Variants in ADAMTS12 observed in about 807,000 individuals in gnomAD.
ADAMTS12 encodes A disintegrin and metalloproteinase with thrombospondin motifs 12.
ADAMTS12 carries 118 observed loss-of-function variants against 167.8 expected under a neutral mutation model. The observed-to-expected ratio is 0.70, with a 90% confidence interval of 0.61 to 0.82. The LOEUF is 0.82. Among genes scored for constraint, ADAMTS12 ranks in the 40% least tolerant of loss-of-function variants. ADAMTS12 has a pLI of 0.00. For missense variants in ADAMTS12, 1,916 were observed against 1,998.8 expected (o/e 0.96, Z 0.79); for synonymous variants, 704 against 716.9 (o/e 0.98, Z 0.29).
chr5:33,531,336 G>A (rs1327401330), intron 23 of ADAMTS12, among the ~76,000 whole-genome samples: 1 of 152,140 alleles, frequency 6.6e-6, no homozygotes, highest in African/African-American at 2.4e-5. Context: ...TTGTAGCCCA[G>A]GAAGCTAATA....
At chr5:33,554,047 G>A (rs974889278) in intron 20 of ADAMTS12, among the ~76,000 whole-genome samples, 1 of 152,142 alleles carries the variant, frequency 6.6e-6, no homozygotes, top group African/African-American at 2.4e-5. Context: ...ATGAATAGAA[G>A]AAATAAAGAT....
chr5:33,644,555 T>G (rs1032850482), intron 9 of ADAMTS12, among the ~76,000 whole-genome samples: 7 of 152,228 alleles, frequency 4.6e-5, no homozygotes, highest in Non-Finnish European at 7.3e-5. Flanking sequence ...CTTCTGGTTC[T>G]TTTTTCTCAT....
rs550990143 is a variant in ADAMTS12 at position 33,831,726 on chromosome 5, T to G, written c.489+49393A>C. On this transcript the variant is annotated intron_variant, in intron 2 of 23. Transcript: ENST00000504830. Reference sequence around the variant, plus strand: ...TTAAGCAGACTGCTTAATCACCTTCTTTTTATTCTGGCTGCTTTTTTATGA... The same window carrying G: ...TTAAGCAGACTGCTTAATCACCTTCGTTTTATTCTGGCTGCTTTTTTATGA... 5.3e-5 allele frequency among the ~76,000 whole-genome samples: 8 copies of G among 152,358 alleles called. No homozygotes were observed. The East Asian group carries it at 1.3e-3, about 26-fold the overall frequency.
intron 2 of ADAMTS12, among the ~76,000 whole-genome samples, chr5:33,815,597 T>TA (rs765008312): frequency 1.3e-5 from 2 of 152,098 alleles, no homozygotes; most frequent in Non-Finnish European, 2.9e-5. Context: ...AAGCCTCAGC[T>TA]AAAAAAAGAA....
rs1738874579 is a variant in ADAMTS12, at chr5:33,614,278, C to A, written c.2487G>T (p.Gln829His). ...NDVEQQMYFW[Q>H]YGHWTECSVT... ...CACTGCACTCTGTCCAGTGGCCGTA[C>A]TGCCAGAAGTACATCTGCTGCTCAA... Residue 829 changes from glutamine to histidine, a missense_variant, in exon 16 of 24, where the codon CAG (glutamine) becomes CAT (histidine). Coordinates refer to ENST00000504830, the MANE Select transcript of ADAMTS12 (RefSeq NM_030955.4). 1 of 1,614,082 alleles carries A rather than the reference C, an allele frequency of 6.2e-7. No homozygotes were observed.
intron 2 of ADAMTS12, among the ~76,000 whole-genome samples, chr5:33,831,819 T>C (rs1268422055): frequency 1.3e-5 from 2 of 152,240 alleles, no homozygotes; most frequent in Non-Finnish European, 2.9e-5. Context: ...CTCTCCAAGA[T>C]GAAAGCTCCA....
intron 2 of ADAMTS12, among the ~76,000 whole-genome samples, chr5:33,867,620 AC>A (rs1342795834): frequency 1.8e-5 from 1 of 57,094 alleles, no homozygotes; most frequent in Non-Finnish European, 3.2e-5. Flanking sequence ...AAATAAAAAT[AC>A]ACACACACAC....
intron 2 of ADAMTS12, among the ~76,000 whole-genome samples, chr5:33,837,581 G>A (rs1247183735): frequency 2.6e-5 from 4 of 152,140 alleles, no homozygotes; most frequent in African/African-American, 4.8e-5. Context: ...GTTTCCAGCC[G>A]AATGGGATTT....
chr5:33,705,298 T>C (rs975283542), intron 3 of ADAMTS12, among the ~76,000 whole-genome samples: 3 of 150,914 alleles, frequency 2.0e-5, no homozygotes, highest in Non-Finnish European at 4.4e-5. Context: ...TGTGTGTGTG[T>C]GTGTGCGTGT....
intron 3 of ADAMTS12, among the ~76,000 whole-genome samples, chr5:33,688,530 T>A (rs577108740): frequency 6.6e-6 from 1 of 152,184 alleles, no homozygotes; most frequent in South Asian, 2.1e-4. Context: ...TTCACAAAGC[T>A]CTATTTAGGG....
At chr5:33,797,523 T>C (rs1415933815) in intron 2 of ADAMTS12, among the ~76,000 whole-genome samples, 1 of 151,926 alleles carries the variant, frequency 6.6e-6, no homozygotes, top group Non-Finnish European at 1.5e-5. Flanking sequence ...GACCCTGAGT[T>C]GACCATGGCT....
intron 5 of ADAMTS12, among the ~76,000 whole-genome samples, chr5:33,670,432 G>T (rs1741637398): frequency 6.6e-6 from 1 of 152,106 alleles, no homozygotes; most frequent in Admixed American, 6.6e-5. Context: ...AAAACAGTTT[G>T]GTAGTTTCTT....
At chr5:33,610,984 C>T (rs143956161) in intron 16 of ADAMTS12, among the ~76,000 whole-genome samples, 1 of 151,958 alleles carries the variant, frequency 6.6e-6, no homozygotes, top group African/African-American at 2.4e-5. Context: ...AGAGATCGCT[C>T]GAACCCAGAG....
In ADAMTS12 at chr5:33,785,403, T is replaced by A. The variant is rs959554128; in HGVS notation, c.490-33855A>T. ...ATATAATGCAGACAGGGAAAAATAT[T>A]TGCAAACCATGTATCTGACAAAAGA... On this transcript the variant is annotated intron_variant, in intron 2 of 23. Transcript: ENST00000504830. Among the ~76,000 whole-genome samples the A allele has an allele frequency of 4.6e-5, 7 of 152,206 alleles. 1 individual carries two copies. The highest frequency in any genetic ancestry group is 1.3e-4 in the Admixed American group (2 of 15,258).
chr5:33,618,417 A>T (rs1018685007), intron 14 of ADAMTS12, among the ~76,000 whole-genome samples: 4 of 152,322 alleles, frequency 2.6e-5, no homozygotes, highest in South Asian at 2.1e-4. Flanking sequence ...TCATTTCTCT[A>T]AAAGTGTTCT....
At position 33,663,528 on chromosome 5, in the gene ADAMTS12, CTT is replaced by C. The variant is rs1741344185; in HGVS notation, c.916-1490_916-1489del. On this transcript the variant is annotated intron_variant, in intron 5 of 23. Coordinates refer to ENST00000504830, the MANE Select transcript of ADAMTS12 (RefSeq NM_030955.4). Reference sequence around the variant, plus strand: ...CCAGATGCTTTTACATACGCTGTCTCTTTTAATTGCATCTACTCAGTATTATT... The same window carrying C: ...CCAGATGCTTTTACATACGCTGTCTCTTAATTGCATCTACTCAGTATTATT... Among the ~76,000 whole-genome samples, 7 of 152,288 alleles carry C rather than the reference CTT, an allele frequency of 4.6e-5. No individual in the cohort carries two copies. The South Asian group carries it at 1.5e-3, about 32-fold the overall frequency.
chr5:33,877,137 G>A (rs2111758951), intron 2 of ADAMTS12, among the ~76,000 whole-genome samples: 1 of 152,306 alleles, frequency 6.6e-6, no homozygotes, highest in African/African-American at 2.4e-5. Context: ...TTTCCCAGCA[G>A]GGGCTGGAAT....
chr5:33,805,190 G>A (rs1747174907), intron 2 of ADAMTS12, among the ~76,000 whole-genome samples: 1 of 152,096 alleles, frequency 6.6e-6, no homozygotes, highest in Non-Finnish European at 1.5e-5. Context: ...TACAACAAAA[G>A]GAGCCACCCT....
chr5:33,732,876 G>A (rs1456326492), intron 3 of ADAMTS12, among the ~76,000 whole-genome samples: 1 of 152,044 alleles, frequency 6.6e-6, no homozygotes, highest in East Asian at 1.9e-4. Context: ...AGGGGAATGT[G>A]TAAATAAATT....
Sources: gnomAD v4.1 joint callset for allele counts (sites outside exome capture counted in the v4.1 genomes callset) on GRCh38, gnomAD v4.1.1 for gene constraint, MANE v1.5 for transcripts, NCBI Gene and HGNC (gene_info 2026-07-23, HGNC 2026-07-21) for gene names.